ZNF420: variants seen among roughly 807,000 people sequenced by gnomAD.
The protein encoded by ZNF420 is zinc finger protein 420.
In ZNF420, 31 loss-of-function variants were observed where a neutral mutation model predicts 44.7. The ratio of observed to expected loss-of-function variants is 0.69; its 90% CI spans 0.52 to 0.94. The LOEUF is 0.94. Among genes scored for constraint, ZNF420 ranks in the 40% least tolerant of loss-of-function variants. The probability of loss-of-function intolerance (pLI) is 0.00; values close to 1 mark genes in which losing one functional copy is unlikely to be tolerated. For synonymous variants in ZNF420, 245 were observed against 267.4 expected (o/e 0.92, Z 0.82); for missense variants, 681 against 827.9 (o/e 0.82, Z 2.18).
chr19:37,045,612 C>T (rs1052798375), intron 1 of ZNF420, among the ~76,000 whole-genome samples: 1 of 152,152 alleles, frequency 6.6e-6, no homozygotes, highest in South Asian at 2.1e-4. Context: ...CCTCCATTTA[C>T]GTTTTCTTGA....
chr19:37,038,153 C>T (rs143347900), intron 1 of ZNF420, among the ~76,000 whole-genome samples: 2 of 152,108 alleles, frequency 1.3e-5, no homozygotes, highest in Admixed American at 6.5e-5. Flanking sequence ...GTTGTGTTTA[C>T]ACTATTGTAG....
At chr19:37,070,401 C>T (rs755546597) in intron 1 of ZNF420, among the ~76,000 whole-genome samples, 2 of 151,828 alleles carry the variant, frequency 1.3e-5, no homozygotes, top group Non-Finnish European at 2.9e-5. Context: ...AAAGTACAAG[C>T]CATAGAGAAA....
intron 1 of ZNF420, among the ~76,000 whole-genome samples, chr19:37,040,713 A>G (rs1226518578): frequency 6.6e-6 from 1 of 152,178 alleles, no homozygotes; most frequent in Non-Finnish European, 1.5e-5. Context: ...TACTGTTACA[A>G]CACTGAGGTA....
upstream of ZNF420, among the ~76,000 whole-genome samples, chr19:37,077,289 C>T (rs959324604): frequency 6.6e-6 from 1 of 152,204 alleles, no homozygotes; most frequent in Non-Finnish European, 1.5e-5. Context: ...TAGTGCTGTA[C>T]TGTGCTAAAA....
At chr19:37,058,699 G>C (rs6510584) in intron 1 of ZNF420, among the ~76,000 whole-genome samples, 84,243 of 151,792 alleles carry the variant, frequency 0.55, 24,775 homozygotes, top group African/African-American at 0.74. Flanking sequence ...GTGTCCCCCC[G>C]CATCCACCGG....
intron 1 of ZNF420, among the ~76,000 whole-genome samples, chr19:37,048,839 G>A (rs1383660433): frequency 6.6e-6 from 1 of 151,540 alleles, no homozygotes; most frequent in African/African-American, 2.4e-5. Flanking sequence ...TTAACATTAG[G>A]TATATCTCCT....
chr19:37,090,511 A>C (rs1187100864), intron 3 of ZNF420, among the ~76,000 whole-genome samples: 3 of 152,044 alleles, frequency 2.0e-5, no homozygotes, highest in East Asian at 3.9e-4. Context: ...CCTGTCTCCA[A>C]AACAACAACA....
chr19:37,039,895 TTTG>T (rs1413642014), intron 1 of ZNF420, among the ~76,000 whole-genome samples: 5 of 151,900 alleles, frequency 3.3e-5, no homozygotes, highest in Admixed American at 6.6e-5. Context: ...TGTTTGTTTG[TTTG>T]TTGTTGTTGT....
chr19:37,015,854 C>T (rs1179630168), intron 1 of ZNF420, among the ~76,000 whole-genome samples: 3 of 152,322 alleles, frequency 2.0e-5, no homozygotes, highest in East Asian at 1.9e-4. Flanking sequence ...GAGCCACATG[C>T]GAGTGGGATG....
intron 1 of ZNF420, among the ~76,000 whole-genome samples, chr19:37,011,681 G>C (rs1270597554): frequency 7.2e-5 from 11 of 152,012 alleles, no homozygotes; most frequent in Admixed American, 5.9e-4. Context: ...GACGTTGTTG[G>C]GGAGGTCACC....
In ZNF420 at chr19:37,129,908, C is replaced by A; in HGVS notation, c.*850C>A. On this transcript the variant is annotated 3_prime_UTR_variant, in exon 5 of 5. Coordinates refer to ENST00000337995, the MANE Select transcript of ZNF420 (RefSeq NM_144689.5). ...TTGAATGTATTGCTTTTGAAGTAAA[C>A]AAAATAACTGATATTACAGACTATT... 4 of 1,291,330 alleles carry A rather than the reference C, an allele frequency of 3.1e-6. No individual in the cohort carries two copies. The highest frequency in any genetic ancestry group is 4.1e-6 in the Non-Finnish European group (4 of 979,998). 80.0% of individuals were successfully genotyped at this position (1,291,330 alleles called of 1,614,324 possible).
At chr19:37,053,764 G>T (rs1350864510) in intron 1 of ZNF420, among the ~76,000 whole-genome samples, 1 of 152,094 alleles carries the variant, frequency 6.6e-6, no homozygotes, top group Non-Finnish European at 1.5e-5. Flanking sequence ...GTGTCAGTCT[G>T]CCCCTACTGG....
At chr19:37,084,438 C>G (rs563804824) in intron 2 of ZNF420, among the ~76,000 whole-genome samples, 32 of 151,988 alleles carry the variant, frequency 2.1e-4, no homozygotes, top group Non-Finnish European at 4.0e-4. Flanking sequence ...ATTGGTAATA[C>G]TTTATAACTT....
In ZNF420 at chr19:37,012,764, CTCTGTGTGTGTGTGTGTGTGTGTG is replaced by C. The variant is rs1254752511; in HGVS notation, c.-125+4684_-125+4707del. ...GTGCTTCTGTGCCACTGCTATATGTCTCTGTGTGTGTGTGTGTGTGTGTGTGTGTGTGTGTGTGTGTGTGTGTGT... is the reference window on the plus strand; with the variant it reads ...GTGCTTCTGTGCCACTGCTATATGTCTGTGTGTGTGTGTGTGTGTGTGTGT... On this transcript the variant is annotated intron_variant, in intron 1 of 4. Coordinates refer to the ZNF420 transcript ENST00000587029. 8.6e-3 allele frequency among the ~76,000 whole-genome samples: 1,141 copies of C among 132,368 alleles called. 30 individuals are homozygous for C. The highest frequency in any genetic ancestry group is 0.051 in the East Asian group (237 of 4,670). 86.8% of individuals were successfully genotyped at this position (132,368 alleles called of 152,430 possible).
At chr19:37,038,078 C>T (rs773486024) in intron 1 of ZNF420, among the ~76,000 whole-genome samples, 9 of 151,702 alleles carry the variant, frequency 5.9e-5, no homozygotes, top group East Asian at 1.9e-4. Flanking sequence ...TTCAGTGAGC[C>T]GAGATCATGC....
chr19:37,019,769 C>CAAA (rs55854312), intron 1 of ZNF420, among the ~76,000 whole-genome samples: 11 of 141,624 alleles, frequency 7.8e-5, no homozygotes, highest in African/African-American at 2.6e-4. Flanking sequence ...TCATCTGTCA[C>CAAA]AAAAAAAAAA....
chr19:37,038,831 T>C (rs1967402483), intron 1 of ZNF420, among the ~76,000 whole-genome samples: 1 of 151,872 alleles, frequency 6.6e-6, no homozygotes, highest in South Asian at 2.1e-4. Context: ...CTACTAAAAA[T>C]ACAACATTAG....
chr19:37,094,125 T>C (rs1969308112), intron 4 of ZNF420, among the ~76,000 whole-genome samples: 1 of 152,208 alleles, frequency 6.6e-6, no homozygotes. Flanking sequence ...TGAAATTCTC[T>C]AGGTTTTTCA....
intron 4 of ZNF420, among the ~76,000 whole-genome samples, chr19:37,096,708 C>A (rs971070210): frequency 1.3e-5 from 2 of 152,108 alleles, no homozygotes; most frequent in Non-Finnish European, 2.9e-5. Context: ...ACCCCTGGAT[C>A]TTGTTTACTT....
Sources: allele counts gnomAD v4.1 joint callset (sites outside exome capture counted in the v4.1 genomes callset), GRCh38; gene constraint gnomAD v4.1.1; transcripts MANE v1.5; gene names NCBI Gene and HGNC (gene_info 2026-07-23, HGNC 2026-07-21).